The following DPYSL5 variants were observed in gnomAD, a reference collection of about 807,000 sequenced individuals.
DPYSL5 encodes the protein dihydropyrimidinase like 5.
In DPYSL5, 9 loss-of-function variants were observed where a neutral mutation model predicts 58.4. The ratio of observed to expected loss-of-function variants is 0.15; its 90% CI spans 0.09 to 0.27. The LOEUF is 0.27. Ranked by LOEUF, DPYSL5 falls within the 10% of genes least tolerant of loss-of-function variation. DPYSL5 has a pLI of 1.00. For synonymous variants in DPYSL5, 293 were observed against 301.9 expected (o/e 0.97, Z 0.31); for missense variants, 499 against 770.6 (o/e 0.65, Z 4.17).
rs1664766898 is a variant in DPYSL5, at chr2:26,924,089, G to A, written c.262-798G>A. The stretch of plus-strand genomic sequence containing the variant: ...GAAATTCACTTTTAAAAAGTTGAGT[G>A]GGGGAATCTCTAATACAGATTTAGT... On this transcript the variant is annotated intron_variant, in intron 2 of 12. Coordinates refer to ENST00000288699, the MANE Select transcript of DPYSL5 (RefSeq NM_020134.4). The surrounding 1 kb of genome is among the most constrained non-coding windows in gnomAD (Gnocchi z 4.7). Among the ~76,000 whole-genome samples the A allele has an allele frequency of 6.6e-6, 1 of 152,222 alleles. No homozygotes were observed. Among genetic ancestry groups the A allele is most frequent in the Non-Finnish European group, 1.5e-5 (1 of 68,038 alleles).
intron 2 of DPYSL5, among the ~76,000 whole-genome samples, chr2:26,922,397 C>T (rs1388338214): frequency 6.6e-6 from 1 of 152,192 alleles, no homozygotes. Flanking sequence ...CCCTTTTGGC[C>T]TTTATGAAGA....
At chr2:26,890,435 A>G (rs1663847941) in intron 1 of DPYSL5, among the ~76,000 whole-genome samples, 1 of 152,194 alleles carries the variant, frequency 6.6e-6, no homozygotes, top group South Asian at 2.1e-4. Flanking sequence ...GTGCTACGAT[A>G]TTATCCAAAC....
At chr2:26,912,343 T>C (rs1176094902) in intron 2 of DPYSL5, among the ~76,000 whole-genome samples, 1 of 152,242 alleles carries the variant, frequency 6.6e-6, no homozygotes, top group Admixed American at 6.5e-5. Flanking sequence ...TTTATGGCAC[T>C]GTCACACCTT....
At chr2:26,874,550 A>T (rs911252823) in intron 1 of DPYSL5, among the ~76,000 whole-genome samples, 7 of 152,228 alleles carry the variant, frequency 4.6e-5, no homozygotes, top group Non-Finnish European at 7.3e-5. Flanking sequence ...TATTTCTAGA[A>T]TCTCTATTCT....
At chr2:26,892,072 A>T (rs1410693777) in intron 1 of DPYSL5, among the ~76,000 whole-genome samples, 1 of 152,164 alleles carries the variant, frequency 6.6e-6, no homozygotes, top group Non-Finnish European at 1.5e-5. Flanking sequence ...AGGACATAAA[A>T]CTCACCTGGA....
chr2:26,907,314 A>G (rs1416701288), intron 2 of DPYSL5, among the ~76,000 whole-genome samples: 1 of 151,950 alleles, frequency 6.6e-6, no homozygotes, highest in Non-Finnish European at 1.5e-5. Flanking sequence ...GAGTTTCTCC[A>G]TGTTGGTCAG....
At chr2:26,894,064 CTTATAA>C (rs1322417844) in intron 1 of DPYSL5, among the ~76,000 whole-genome samples, 8 of 148,404 alleles carry the variant, frequency 5.4e-5, no homozygotes, top group Admixed American at 1.3e-4. Context: ...ATTTTATATA[CTTATAA>C]TTATATAATT....
chr2:26,889,961 A>C (rs1352783429), intron 1 of DPYSL5, among the ~76,000 whole-genome samples: 1 of 152,184 alleles, frequency 6.6e-6, no homozygotes, highest in East Asian at 1.9e-4. Context: ...GAGCAGCATG[A>C]TGAGTGTCCA....
At chr2:26,895,882 G>A (rs1400247713) in intron 1 of DPYSL5, among the ~76,000 whole-genome samples, 4 of 146,590 alleles carry the variant, frequency 2.7e-5, no homozygotes, top group African/African-American at 1.0e-4. Flanking sequence ...CCCGGTTTAA[G>A]CAATTCTCTA....
At chr2:26,873,468 C>A (rs2148118815) in intron 1 of DPYSL5, among the ~76,000 whole-genome samples, 1 of 152,248 alleles carries the variant, frequency 6.6e-6, no homozygotes, top group South Asian at 2.1e-4. Context: ...CACAACTGGG[C>A]AGGTACTACT....
intron 2 of DPYSL5, among the ~76,000 whole-genome samples, chr2:26,911,055 C>T (rs1664426593): frequency 2.1e-5 from 3 of 142,350 alleles, no homozygotes; most frequent in Non-Finnish European, 3.0e-5. Flanking sequence ...AATTTTTATA[C>T]ATGGTATGTG....
chr2:26,934,684 CCTGAGA>C lies in DPYSL5; in HGVS notation c.901_906del (p.Arg301_Leu302del). On this transcript the variant is annotated inframe_deletion, in exon 8 of 13. Coordinates refer to ENST00000288699, the MANE Select transcript of DPYSL5 (RefSeq NM_020134.4). This position sits in a 1 kb window ranked among gnomAD's most constrained non-coding sequence, Gnocchi z 4.3. ...CGGCTGCCTATGTCACGGTGCCTCCCCTGAGACTGGACACCAACACCTCAACCTACC... is the reference window on the plus strand; with the variant it reads ...CGGCTGCCTATGTCACGGTGCCTCCCCTGGACACCAACACCTCAACCTACC... 1.2e-6 allele frequency: 2 copies of C among 1,614,192 alleles called. No individual in the cohort carries two copies. The highest frequency in any genetic ancestry group is 1.7e-6 in the Non-Finnish European group (2 of 1,180,044).
Position 26,877,026 on chromosome 2 carries a change from G to A in DPYSL5, c.-4-21470G>A, listed in dbSNP as rs534753533. Among the ~76,000 whole-genome samples, 1 of 148,764 alleles carries A rather than the reference G, an allele frequency of 6.7e-6. No homozygotes were observed. Among genetic ancestry groups the A allele is most frequent in the South Asian group, 2.1e-4 (1 of 4,680 alleles). ...CTTGTCCCCTGGCTGGAGTGCAATG[G>A]CGTGATCTTGGCTCCCTGCAACCTC... is the stretch of plus-strand genomic sequence containing the variant. On this transcript the variant is annotated intron_variant, in intron 1 of 12. Coordinates refer to ENST00000288699, the MANE Select transcript of DPYSL5 (RefSeq NM_020134.4). The surrounding 1 kb of genome is among the most constrained non-coding windows in gnomAD (Gnocchi z 4.1).
intron 12 of DPYSL5, among the ~76,000 whole-genome samples, chr2:26,945,990 G>A (rs145264711): frequency 1.8e-3 from 273 of 152,314 alleles, no homozygotes; most frequent in African/African-American, 6.4e-3. Flanking sequence ...TCCTCTCTCA[G>A]GACCAGTCTC....
At chr2:26,853,435 T>A (rs1162357480) in intron 1 of DPYSL5, among the ~76,000 whole-genome samples, 1 of 152,168 alleles carries the variant, frequency 6.6e-6, no homozygotes, top group East Asian at 1.9e-4. Context: ...CTGATTACTA[T>A]GCATTAGGTT....
intron 1 of DPYSL5, among the ~76,000 whole-genome samples, chr2:26,868,163 A>G (rs1055130899): frequency 6.6e-6 from 1 of 152,002 alleles, no homozygotes; most frequent in Admixed American, 6.6e-5. Flanking sequence ...TCTGTGTATC[A>G]CTTACTGATG....
At position 26,933,405 on chromosome 2, in the gene DPYSL5, G is replaced by A. The variant is rs762108711; in HGVS notation, c.790+72G>A. The A allele has an allele frequency of 1.1e-4, 162 of 1,440,454 alleles. No individual in the cohort carries two copies. Among genetic ancestry groups the A allele is most frequent in the Non-Finnish European group, 1.4e-4 (139 of 1,029,394 alleles). 89.2% of individuals were successfully genotyped at this position (1,440,454 alleles called of 1,614,324 possible). On this transcript the variant is annotated intron_variant, in intron 7 of 12. Transcript: ENST00000288699. This position sits in a 1 kb window ranked among gnomAD's most constrained non-coding sequence, Gnocchi z 4.2. ...TGGAGATGGATGGGGCCCATTAGCC[G>A]TGCTCACTCCTGGCCCCGGCTCCTG...
Position 26,891,630 on chromosome 2 carries a change from T to A in DPYSL5, c.-4-6866T>A, listed in dbSNP as rs575417559. Among the ~76,000 whole-genome samples, 35 of 152,188 alleles carry A rather than the reference T, an allele frequency of 2.3e-4. No individual in the cohort carries two copies. In the East Asian group the frequency reaches 5.0e-3, roughly 22 times the overall value. ...GAGCCAGCTGGGTCTGAATGAAGGG[T>A]CACGTTGGATTCCTTCTGGCTTCTT... is the stretch of plus-strand genomic sequence containing the variant. On this transcript the variant is annotated intron_variant, in intron 1 of 12. Transcript: ENST00000288699.
intron 2 of DPYSL5, among the ~76,000 whole-genome samples, chr2:26,906,442 A>G (rs1371774084): frequency 1.3e-5 from 2 of 152,072 alleles, no homozygotes; most frequent in African/African-American, 4.8e-5. Context: ...TCGGCCTCCA[A>G]AAGGGCTGGG....
Sources: allele counts gnomAD v4.1 joint callset (sites outside exome capture counted in the v4.1 genomes callset), GRCh38; gene constraint gnomAD v4.1.1; non-coding constraint Gnocchi (gnomAD v3.1); transcripts MANE v1.5; gene names NCBI Gene and HGNC (gene_info 2026-07-23, HGNC 2026-07-21).